SYTL3: variants seen among roughly 807,000 people sequenced by gnomAD.
The protein encoded by SYTL3 is synaptotagmin-like protein 3.
In SYTL3, 88 loss-of-function variants were observed where a neutral mutation model predicts 82.1. That is an observed-to-expected ratio of 1.07 (90% CI 0.90 to 1.28). The LOEUF (loss-of-function observed/expected upper bound fraction) is 1.28, where lower values mean the gene tolerates loss of function less well. Ranked by LOEUF, SYTL3 falls within the 50% of genes most tolerant of loss-of-function variation. The pLI is 0.00. For synonymous variants in SYTL3, 311 were observed against 289.4 expected (o/e 1.07, Z -0.76); for missense variants, 831 against 757.6 (o/e 1.10, Z -1.14).
Position 158,700,806 on chromosome 6 carries a change from C to G in SYTL3, c.395-6424C>G, listed in dbSNP as rs550370562. Among the ~76,000 whole-genome samples the G allele has an allele frequency of 7.2e-5, 11 of 152,160 alleles. No homozygotes were observed. The South Asian group carries it at 2.3e-3, about 32-fold the overall frequency. Reference sequence around the variant, plus strand: ...TAATTTTTTGTACTTTTAGTAGAGACGGGGTTTCACTGTGTTAGCCAGGAT... The same window carrying G: ...TAATTTTTTGTACTTTTAGTAGAGAGGGGGTTTCACTGTGTTAGCCAGGAT... On this transcript the variant is annotated intron_variant, in intron 6 of 17. Transcript: ENST00000611299.
intron 2 of SYTL3, among the ~76,000 whole-genome samples, chr6:158,653,970 A>G (rs317793): frequency 0.68 from 103,249 of 152,134 alleles, 35,612 homozygotes; most frequent in African/African-American, 0.8. Flanking sequence ...CATCCTCCTC[A>G]TCTCTTTTCT....
chr6:158,681,065 T>A (rs977987780), intron 5 of SYTL3, among the ~76,000 whole-genome samples: 1 of 152,258 alleles, frequency 6.6e-6, no homozygotes, highest in Non-Finnish European at 1.5e-5. Context: ...GTCAATACTG[T>A]AATTTATAGA....
intron 5 of SYTL3, among the ~76,000 whole-genome samples, chr6:158,679,925 C>G (rs1440848951): frequency 3.3e-5 from 5 of 152,162 alleles, no homozygotes. Context: ...CTGATTAGCT[C>G]AGTCGACTGT....
chr6:158,757,050 T>G (rs1323729639), intron 13 of SYTL3, among the ~76,000 whole-genome samples, 161 bp from the exon 14 acceptor site: 3 of 131,970 alleles, frequency 2.3e-5, no homozygotes, highest in Non-Finnish European at 4.8e-5. Context: ...CCTAACCACA[T>G]CAGGTCCCTG....
intron 6 of SYTL3, among the ~76,000 whole-genome samples, chr6:158,686,611 C>G (rs1183879450): frequency 1.3e-5 from 2 of 152,052 alleles, no homozygotes; most frequent in South Asian, 4.1e-4. Flanking sequence ...TATTTGTGGC[C>G]CTAAAAGAGA....
intron 11 of SYTL3, among the ~76,000 whole-genome samples, chr6:158,729,566 C>CTTT (rs34172320): frequency 2.3e-5 from 3 of 132,902 alleles, no homozygotes; most frequent in Admixed American, 7.7e-5. Flanking sequence ...CTTTCTTTTT[C>CTTT]TTTTTTTTTT....
intron 15 of SYTL3, among the ~76,000 whole-genome samples, 159 bp downstream of exon 15, chr6:158,760,904 C>T (rs367933198): frequency 2.2e-4 from 33 of 152,286 alleles, no homozygotes; most frequent in African/African-American, 7.7e-4. Flanking sequence ...GCAGCGAGCC[C>T]GGGAGAGGTT....
chr6:158,752,386 TCA>T (rs1482720584), intron 13 of SYTL3, among the ~76,000 whole-genome samples: 1 of 152,256 alleles, frequency 6.6e-6, no homozygotes, highest in Non-Finnish European at 1.5e-5. Flanking sequence ...AGAGGTGCTC[TCA>T]GACAGAGTGC....
At chr6:158,744,238 T>C (rs1460433427) in intron 11 of SYTL3, among the ~76,000 whole-genome samples, 1 of 151,244 alleles carries the variant, frequency 6.6e-6, no homozygotes, top group East Asian at 1.9e-4. Context: ...TTTTTTTTTC[T>C]ATTTTATCTT....
chr6:158,666,807 A>G (rs1243832045), intron 5 of SYTL3, among the ~76,000 whole-genome samples: 1 of 152,168 alleles, frequency 6.6e-6, no homozygotes, highest in Non-Finnish European at 1.5e-5. Context: ...GGCTTACTGT[A>G]TTTCAGTCAT....
At position 158,682,942 on chromosome 6, in the gene SYTL3, C is replaced by T. The variant is rs762367634; in HGVS notation, c.347C>T (p.Thr116Ile). ...CFEDRNVKIK[T>I]GEWFYEERAK... ...TTTTTCAGGAATGTCAAAATAAAAA[C>T]TGGAGAATGGTTCTATGAGGAACGA... The change falls in exon 6 of 18, where the codon ACT (threonine) becomes ATT (isoleucine). Residue 116 changes from threonine to isoleucine, a missense_variant. Thr to Ile is a moderately conservative substitution (Grantham distance 89, BLOSUM62 -1). Coordinates refer to ENST00000611299, the MANE Select transcript of SYTL3 (RefSeq NM_001242394.2). 2.5e-6 allele frequency: 4 copies of T among 1,613,450 alleles called. No individual in the cohort carries two copies. Among genetic ancestry groups the T allele is most frequent in the South Asian group, 1.1e-5 (1 of 91,066 alleles).
At chr6:158,724,144 C>T (rs556225649) in intron 10 of SYTL3, among the ~76,000 whole-genome samples, 1 of 152,344 alleles carries the variant, frequency 6.6e-6, no homozygotes, top group South Asian at 2.1e-4. Context: ...GTGTCTCTGT[C>T]TTCCTACTAG....
At chr6:158,757,086 C>A in intron 13 of SYTL3, 125 bp from the exon 14 acceptor site, 2 of 939,914 alleles carry the variant, frequency 2.1e-6, no homozygotes, top group Admixed American at 2.8e-5. Context: ...TGGACTCAGC[C>A]TGTGGGAGGG....
At chr6:158,667,253 G>A (rs1197311046) in intron 5 of SYTL3, among the ~76,000 whole-genome samples, 1 of 152,220 alleles carries the variant, frequency 6.6e-6, no homozygotes, top group Non-Finnish European at 1.5e-5. Flanking sequence ...CTGCCCTAGT[G>A]AGTCTTGTGT....
At chr6:158,660,040 C>T (rs763519824) in intron 2 of SYTL3, among the ~76,000 whole-genome samples, 9 of 151,554 alleles carry the variant, frequency 5.9e-5, no homozygotes, top group Non-Finnish European at 1.0e-4. Context: ...TTTGGGACGC[C>T]GAGGGCCTGA....
intron 11 of SYTL3, among the ~76,000 whole-genome samples, chr6:158,737,877 A>G (rs778691766): frequency 6.6e-6 from 1 of 152,212 alleles, no homozygotes; most frequent in Non-Finnish European, 1.5e-5. Flanking sequence ...AGACATGAGC[A>G]TACATTATGG....
At position 158,708,347 on chromosome 6, in the gene SYTL3, C is replaced by T. The variant is rs1243877751; in HGVS notation, c.472C>T (p.Pro158Ser). 6.2e-6 allele frequency: 10 copies of T among 1,614,212 alleles called. No homozygotes were observed. The highest frequency in any genetic ancestry group is 5.1e-6 in the Non-Finnish European group (6 of 1,180,030). ...LSKISVVPPT[P>S]PPVSESQCSR... is the part of the protein sequence containing the mutation. ...CAAAATTTCTGTGGTTCCTCCTACTCCACCTCCTGTCAGCGAGAGCCAGTG... is the reference window on the plus strand; with the variant it reads ...CAAAATTTCTGTGGTTCCTCCTACTTCACCTCCTGTCAGCGAGAGCCAGTG... The change falls in exon 8 of 18, where the codon CCA (proline) becomes TCA (serine). Residue 158 changes from proline (P) to serine (S), a missense_variant. Transcript: ENST00000611299.
rs765386344 is a variant in SYTL3, at chr6:158,749,507, C to CTTT, written c.1035-2398_1035-2396dup. 2.2e-3 allele frequency among the ~76,000 whole-genome samples: 144 copies of CTTT among 66,008 alleles called. 5 individuals carry two copies. The highest frequency in any genetic ancestry group is 0.011 in the Middle Eastern group (1 of 90). The allele number at this position is 66,008 out of a possible 152,430, so 43.3% of individuals were successfully genotyped here. ...AATGAACACCTTCTTTTCTTTCTCT[C>CTTT]TTTTTTTTTTTTTTTTTTTTTTTTT... On this transcript the variant is annotated intron_variant, in intron 12 of 17. Transcript: ENST00000611299.
At chr6:158,728,580 A>T (rs917196038) in intron 11 of SYTL3, among the ~76,000 whole-genome samples, 1 of 152,204 alleles carries the variant, frequency 6.6e-6, no homozygotes, top group Admixed American at 6.5e-5. Flanking sequence ...TTGCTTTGTG[A>T]TGTTTTAAAT....
Sources: gnomAD v4.1 joint callset for allele counts (sites outside exome capture counted in the v4.1 genomes callset) on GRCh38, gnomAD v4.1.1 for gene constraint, MANE v1.5 for transcripts, NCBI Gene and HGNC (gene_info 2026-07-23, HGNC 2026-07-21) for gene names.